The following LRRTM4 variants were observed in gnomAD, a reference collection of about 807,000 sequenced individuals.
LRRTM4 encodes the protein leucine rich repeat transmembrane neuronal 4.
LRRTM4 carries 25 observed loss-of-function variants against 47.6 expected under a neutral mutation model. The observed-to-expected ratio is 0.53, with a 90% CI of 0.38 to 0.73. The LOEUF (loss-of-function observed/expected upper bound fraction) is 0.73. Ranked by LOEUF, LRRTM4 falls within the 30% of genes least tolerant of loss-of-function variation. The probability of loss-of-function intolerance (pLI) is 0.00; values close to 1 mark genes in which losing one functional copy is unlikely to be tolerated. For missense variants in LRRTM4, 638 were observed against 713.4 expected (o/e 0.89, Z 1.20); for synonymous variants, 311 against 269.5 (o/e 1.15, Z -1.51).
chr2:76,808,835 G>T (rs1293912280), intron 3 of LRRTM4, among the ~76,000 whole-genome samples: 1 of 150,266 alleles, frequency 6.7e-6, no homozygotes, highest in African/African-American at 2.5e-5. Flanking sequence ...TTTTTTTTCA[G>T]TTCAACTCAG....
At chr2:76,973,893 G>T (rs1326157450) in intron 3 of LRRTM4, among the ~76,000 whole-genome samples, 2 of 151,606 alleles carry the variant, frequency 1.3e-5, no homozygotes, top group East Asian at 3.9e-4. Flanking sequence ...AAATGTAATG[G>T]AAAGTTACTG....
At chr2:76,965,104 T>G (rs1325883716) in intron 3 of LRRTM4, among the ~76,000 whole-genome samples, 3 of 151,184 alleles carry the variant, frequency 2.0e-5, no homozygotes, top group Non-Finnish European at 3.0e-5. Flanking sequence ...ATTGGTGAAT[T>G]CTACCAAATA....
intron 3 of LRRTM4, among the ~76,000 whole-genome samples, chr2:76,773,344 A>C (rs1673796390): frequency 6.6e-6 from 1 of 152,214 alleles, no homozygotes; most frequent in South Asian, 2.1e-4. Flanking sequence ...CTTCCAGCAA[A>C]GTTCTGTTTA....
chr2:77,467,442 C>A (rs762207496), intron 3 of LRRTM4, among the ~76,000 whole-genome samples: 1 of 152,152 alleles, frequency 6.6e-6, no homozygotes, highest in Non-Finnish European at 1.5e-5. Flanking sequence ...GACATCTAGT[C>A]ACTTTTTTAA....
intron 3 of LRRTM4, among the ~76,000 whole-genome samples, chr2:77,083,782 A>ATTT (rs1680608230): frequency 1.6e-5 from 1 of 62,910 alleles, no homozygotes; most frequent in Non-Finnish European, 3.9e-5. Flanking sequence ...AACTGGACAC[A>ATTT]CTTTTTTTTT....
intron 3 of LRRTM4, among the ~76,000 whole-genome samples, chr2:77,164,860 A>C (rs1251719495): frequency 6.6e-6 from 1 of 152,218 alleles, no homozygotes; most frequent in Non-Finnish European, 1.5e-5. Flanking sequence ...AAGAGAAAGC[A>C]GAAAAGATCT....
chr2:76,864,277 T>G (rs1672401477), intron 3 of LRRTM4, among the ~76,000 whole-genome samples: 1 of 152,154 alleles, frequency 6.6e-6, no homozygotes, highest in Non-Finnish European at 1.5e-5. Flanking sequence ...TATCCAAAGA[T>G]GGAATGAAAT....
At chr2:77,428,063 T>A (rs757985910) in intron 3 of LRRTM4, among the ~76,000 whole-genome samples, 1 of 152,154 alleles carries the variant, frequency 6.6e-6, no homozygotes, top group Non-Finnish European at 1.5e-5. Context: ...GATCTGATGG[T>A]TTTACAAGGG....
Position 77,521,761 on chromosome 2 carries a change from G to A in LRRTM4, c.-90C>T, listed in dbSNP as rs544454416. 2.1e-6 allele frequency: 3 copies of A among 1,450,682 alleles called. No homozygotes were observed. The highest frequency in any genetic ancestry group is 2.3e-5 in the South Asian group (2 of 87,262). 89.9% of individuals were successfully genotyped at this position (1,450,682 alleles called of 1,614,324 possible). ...AAACCACCACCACCTTCATGACACA[G>A]TGCGGCTGTCATTCACACCATTCTG... On this transcript the variant is annotated 5_prime_UTR_variant, in exon 2 of 4. Transcript: ENST00000409884.
At chr2:76,914,714 G>A (rs866472231) in intron 3 of LRRTM4, among the ~76,000 whole-genome samples, 4 of 152,076 alleles carry the variant, frequency 2.6e-5, no homozygotes, top group Middle Eastern at 6.8e-3. Context: ...GTTTCCTTTT[G>A]TATAATTCTA....
intron 3 of LRRTM4, among the ~76,000 whole-genome samples, chr2:77,174,197 T>C (rs924300812): frequency 6.6e-6 from 1 of 152,118 alleles, no homozygotes; most frequent in Non-Finnish European, 1.5e-5. Context: ...GTGGTTCTTA[T>C]TCTAGGTAAG....
intron 3 of LRRTM4, among the ~76,000 whole-genome samples, chr2:77,032,946 G>A (rs952422363): frequency 6.6e-6 from 1 of 152,024 alleles, no homozygotes; most frequent in African/African-American, 2.4e-5. Flanking sequence ...ATTGTACTAA[G>A]TAAGAGTGAT....
At chr2:77,489,804 C>A (rs1678066620) in intron 3 of LRRTM4, among the ~76,000 whole-genome samples, 1 of 152,184 alleles carries the variant, frequency 6.6e-6, no homozygotes, top group African/African-American at 2.4e-5. Context: ...AAACACGTTC[C>A]ATATTTGCAA....
chr2:77,235,733 G>T (rs1303458241), intron 3 of LRRTM4, among the ~76,000 whole-genome samples: 1 of 152,092 alleles, frequency 6.6e-6, no homozygotes, highest in Admixed American at 6.6e-5. Context: ...TTCTGCATAT[G>T]GCTAGCCAGC....
chr2:76,883,323 T>C (rs191502683), intron 3 of LRRTM4, among the ~76,000 whole-genome samples: 3 of 152,318 alleles, frequency 2.0e-5, no homozygotes, highest in South Asian at 4.1e-4. Context: ...AGCTGTATTA[T>C]GTAACAATAT....
rs147053230 is a variant in LRRTM4, at chr2:76,772,170, A to G, written c.1552-23254T>C. Among the ~76,000 whole-genome samples, 48 of 152,252 alleles carry G rather than the reference A, an allele frequency of 3.2e-4. No homozygotes were observed. The East Asian group carries it at 8.7e-3, about 28-fold the overall frequency. On this transcript the variant is annotated intron_variant, in intron 3 of 3. Transcript: ENST00000409884. ...ATCATGGGACCAGTGCCATTATCAA[A>G]GAAACCCGGAGAGCTCTCTGACTCT...
intron 3 of LRRTM4, among the ~76,000 whole-genome samples, chr2:77,441,618 G>A (rs1675845554): frequency 6.6e-6 from 1 of 152,040 alleles, no homozygotes; most frequent in Non-Finnish European, 1.5e-5. Flanking sequence ...GAGAAATAAT[G>A]ACTAAAGAAA....
At chr2:77,345,634 C>A (rs1051461372) in intron 3 of LRRTM4, among the ~76,000 whole-genome samples, 2 of 151,936 alleles carry the variant, frequency 1.3e-5, no homozygotes, top group African/African-American at 4.8e-5. Context: ...GATGAAACAA[C>A]AACAATCACC....
At chr2:77,303,641 CCATT>C (rs1677197899) in intron 3 of LRRTM4, among the ~76,000 whole-genome samples, 1 of 152,112 alleles carries the variant, frequency 6.6e-6, no homozygotes, top group South Asian at 2.1e-4. Context: ...TGAGTAACCA[CCATT>C]CAATTATCTA....
Sources: allele counts gnomAD v4.1 joint callset (sites outside exome capture counted in the v4.1 genomes callset), GRCh38; gene constraint gnomAD v4.1.1; transcripts MANE v1.5; gene names NCBI Gene and HGNC (gene_info 2026-07-23, HGNC 2026-07-21).